Variants in PRKG1 observed in about 807,000 individuals in gnomAD.
PRKG1 encodes the protein protein kinase cGMP-dependent 1.
A neutral mutation model predicts 88.1 loss-of-function variants in PRKG1; 35 were observed. The ratio of observed to expected loss-of-function variants is 0.40; its 90% CI spans 0.30 to 0.53. The LOEUF is 0.53. PRKG1 is among the 20% of genes least tolerant of loss of function. The probability of loss-of-function intolerance (pLI) is 0.59; values close to 1 mark genes in which losing one functional copy is unlikely to be tolerated. For synonymous variants in PRKG1, 303 were observed against 292.5 expected (o/e 1.04, Z -0.37); for missense variants, 540 against 839.8 (o/e 0.64, Z 4.41).
At position 52,070,325 on chromosome 10, in the gene PRKG1, G is replaced by T. The variant is rs1049954958; in HGVS notation, c.935+7694G>T. ...TAAATATCTAGGTCAAATTTCATTT[G>T]AAGTGTTATTACATTGTCTTCTGAC... On this transcript the variant is annotated intron_variant, in intron 7 of 17. Coordinates refer to ENST00000373980, the MANE Select transcript of PRKG1 (RefSeq NM_006258.4). 3.3e-5 allele frequency among the ~76,000 whole-genome samples: 4 copies of T among 119,672 alleles called. No individual in the cohort carries two copies. The South Asian group carries it at 1.2e-3, about 37-fold the overall frequency. 78.5% of individuals were successfully genotyped at this position (119,672 alleles called of 152,430 possible). A position where few individuals can be genotyped will look rare whatever the true frequency, so the allele number is the denominator to read the frequency against.
intron 2 of PRKG1, among the ~76,000 whole-genome samples, chr10:51,456,139 G>C (rs753501104): frequency 5.9e-5 from 9 of 152,190 alleles, no homozygotes; most frequent in Non-Finnish European, 1.2e-4. Flanking sequence ...TGGTGGACAA[G>C]AGAGAATGAG....
intron 3 of PRKG1, among the ~76,000 whole-genome samples, chr10:51,693,586 G>A (rs929145671): frequency 2.6e-5 from 4 of 151,878 alleles, no homozygotes; most frequent in African/African-American, 9.7e-5. Context: ...ATTTTTAGTA[G>A]AGATGGGGTT....
intron 4 of PRKG1, among the ~76,000 whole-genome samples, chr10:51,867,358 G>A (rs1313775492): frequency 6.6e-6 from 1 of 152,116 alleles, no homozygotes; most frequent in Non-Finnish European, 1.5e-5. Flanking sequence ...ATTTAAGCAG[G>A]CAAAGGATGT....
chr10:51,368,534 T>C (rs1842635800), intron 2 of PRKG1, among the ~76,000 whole-genome samples: 2 of 152,128 alleles, frequency 1.3e-5, no homozygotes, highest in Admixed American at 1.3e-4. Context: ...ATTGGGTTTA[T>C]ATTCCTCCAA....
chr10:51,666,534 C>T (rs1462722810), intron 3 of PRKG1, among the ~76,000 whole-genome samples: 2 of 152,146 alleles, frequency 1.3e-5, no homozygotes, highest in African/African-American at 4.8e-5. Flanking sequence ...TTGGGACAGA[C>T]CACCTTCTAT....
At chr10:51,658,884 GT>G (rs1469161055) in intron 3 of PRKG1, among the ~76,000 whole-genome samples, 2 of 151,692 alleles carry the variant, frequency 1.3e-5, no homozygotes, top group East Asian at 1.9e-4. Context: ...AAATACTTAA[GT>G]TTTTTTTGCC....
chr10:51,224,431 T>G (rs1286116837), intron 2 of PRKG1, among the ~76,000 whole-genome samples: 1 of 152,244 alleles, frequency 6.6e-6, no homozygotes, highest in African/African-American at 2.4e-5. Context: ...GCAATGAATA[T>G]TTATTGCTCA....
At chr10:51,775,771 CA>C (rs1400419379) in intron 3 of PRKG1, among the ~76,000 whole-genome samples, 1 of 151,854 alleles carries the variant, frequency 6.6e-6, no homozygotes, top group East Asian at 1.9e-4. Context: ...TTAATAGAGA[CA>C]GGGGTTTCAC....
At chr10:52,201,250 AC>A (rs1221171089) in intron 9 of PRKG1, among the ~76,000 whole-genome samples, 1 of 152,108 alleles carries the variant, frequency 6.6e-6, no homozygotes, top group Non-Finnish European at 1.5e-5. Flanking sequence ...AGGAAGGGGT[AC>A]AGTTTCAATC....
chr10:51,889,314 G>GT (rs1339939490), intron 4 of PRKG1, among the ~76,000 whole-genome samples: 7 of 150,008 alleles, frequency 4.7e-5, no homozygotes, highest in African/African-American at 1.7e-4. Flanking sequence ...GCAGTGTTTG[G>GT]TTTTTTGTCC....
At chr10:51,582,696 GTC>G (rs1838071536) in intron 3 of PRKG1, among the ~76,000 whole-genome samples, 2 of 152,000 alleles carry the variant, frequency 1.3e-5, no homozygotes, top group African/African-American at 4.8e-5. Flanking sequence ...TCTTTATCCA[GTC>G]TATCATTGAT....
chr10:51,056,589 T>C (rs1843628741), intron 1 of PRKG1, among the ~76,000 whole-genome samples: 2 of 152,330 alleles, frequency 1.3e-5, no homozygotes, highest in Non-Finnish European at 2.9e-5. Flanking sequence ...ACCCTAGGCT[T>C]TTCAGTATCC....
intron 8 of PRKG1, among the ~76,000 whole-genome samples, chr10:52,160,668 A>G (rs958899585): frequency 6.6e-6 from 1 of 152,016 alleles, no homozygotes; most frequent in Non-Finnish European, 1.5e-5. Flanking sequence ...GCAATTAAGG[A>G]ACATTGCATT....
chr10:51,107,894 G>T (rs1844884719), intron 1 of PRKG1, among the ~76,000 whole-genome samples: 1 of 149,204 alleles, frequency 6.7e-6, no homozygotes, highest in Admixed American at 6.7e-5. Flanking sequence ...CAATATCAAT[G>T]TCAGAAATGA....
At chr10:51,512,240 T>A (rs1215197205) in intron 3 of PRKG1, among the ~76,000 whole-genome samples, 2 of 148,968 alleles carry the variant, frequency 1.3e-5, no homozygotes, top group Admixed American at 6.7e-5. Flanking sequence ...CATGTGCACA[T>A]TGTGCAGGTT....
At chr10:51,992,253 G>T (rs1245723156) in intron 5 of PRKG1, among the ~76,000 whole-genome samples, 1 of 152,042 alleles carries the variant, frequency 6.6e-6, no homozygotes, top group Non-Finnish European at 1.5e-5. Context: ...TTTGTGAACA[G>T]AAGTGTGAGT....
At chr10:51,944,034 A>G (rs1433331667) in intron 5 of PRKG1, among the ~76,000 whole-genome samples, 1 of 152,032 alleles carries the variant, frequency 6.6e-6, no homozygotes, top group Admixed American at 6.5e-5. Context: ...GAATGGTACC[A>G]GTTCCTCCTT....
chr10:52,221,032 T>C (rs1840232406), intron 9 of PRKG1, among the ~76,000 whole-genome samples: 1 of 151,898 alleles, frequency 6.6e-6, no homozygotes, highest in Admixed American at 6.6e-5. Context: ...GTATAAGCAT[T>C]CCTGTTTCTC....
chr10:52,084,809 C>CT (rs1275164317), intron 7 of PRKG1, among the ~76,000 whole-genome samples: 1 of 151,770 alleles, frequency 6.6e-6, no homozygotes, highest in Non-Finnish European at 1.5e-5. Flanking sequence ...TTTATGACAC[C>CT]TTTTTTGTCC....
Sources: gnomAD v4.1 joint callset for allele counts (sites outside exome capture counted in the v4.1 genomes callset) on GRCh38, gnomAD v4.1.1 for gene constraint, MANE v1.5 for transcripts, NCBI Gene and HGNC (gene_info 2026-07-23, HGNC 2026-07-21) for gene names.